The following KIAA1217 variants were observed in gnomAD, a reference collection of about 807,000 sequenced individuals.
KIAA1217 encodes the protein sickle tail protein homolog.
In KIAA1217, 88 loss-of-function variants were observed where a neutral mutation model predicts 163.9. The observed-to-expected ratio is 0.54, with a 90% CI of 0.45 to 0.64. The LOEUF (loss-of-function observed/expected upper bound fraction) is 0.64. KIAA1217 is among the 30% of genes least tolerant of loss of function. The pLI, the probability that KIAA1217 is intolerant of heterozygous loss-of-function variation, is 0.00. For missense variants in KIAA1217, 2,372 were observed against 2,475.0 expected (o/e 0.96, Z 0.88); for synonymous variants, 903 against 923.1 (o/e 0.98, Z 0.39).
intron 2 of KIAA1217, among the ~76,000 whole-genome samples, chr10:24,198,003 T>C (rs1285105262): frequency 3.9e-5 from 6 of 152,240 alleles, no homozygotes; most frequent in Non-Finnish European, 8.8e-5. Context: ...TTGCAGGTGC[T>C]CTGAATTGGT....
chr10:24,177,514 T>A (rs957918465), intron 2 of KIAA1217, among the ~76,000 whole-genome samples: 3 of 151,344 alleles, frequency 2.0e-5, no homozygotes, highest in African/African-American at 7.3e-5. Context: ...TGACTTCTTT[T>A]CCCCTGGATA....
At chr10:24,172,239 G>A (rs1373028477) in intron 2 of KIAA1217, among the ~76,000 whole-genome samples, 2 of 152,210 alleles carry the variant, frequency 1.3e-5, no homozygotes, top group South Asian at 2.1e-4. Context: ...GGTGGAAAAG[G>A]AGAAGAGATT....
intron 2 of KIAA1217, chr10:24,255,563 T>TG: frequency 6.6e-6 from 3 of 455,846 alleles, no homozygotes; most frequent in South Asian, 4.6e-5. Context: ...GTTTCTGCTG[T>TG]GGGGGGCCCT....
At position 24,520,206 on chromosome 10, in the gene KIAA1217, G is replaced by A. The variant is rs766546439; in HGVS notation, c.2261G>A (p.Gly754Glu). 6.2e-7 allele frequency: 1 copy of A among 1,614,136 alleles called. No individual in the cohort carries two copies. The highest frequency in any genetic ancestry group is 8.5e-7 in the Non-Finnish European group (1 of 1,180,024). The change falls in exon 11 of 21, where the codon GGG becomes GAG. Residue 754 changes from glycine to glutamate, a missense_variant. By Grantham distance (98) the Gly-to-Glu change is moderately conservative (BLOSUM62 -2). Coordinates refer to ENST00000376454, the MANE Select transcript of KIAA1217 (RefSeq NM_019590.5). ...GTTACTCTGAAAGACGTGGAAGACG[G>A]GGCTTTCCTCCTGCGTCAAGTGGGA... is the stretch of plus-strand genomic sequence containing the variant. ...RLVTLKDVED[G>E]AFLLRQVGEA...
chr10:24,092,928 T>TGTGTGTTGTGTGTGTG (rs548350322), intron 2 of KIAA1217, among the ~76,000 whole-genome samples: 12 of 140,950 alleles, frequency 8.5e-5, no homozygotes, highest in African/African-American at 3.0e-4. Context: ...TGTGTGTGTG[T>TGTGTGTTGTGTGTGTG]TGTGTGTGTG....
chr10:24,430,905 G>T (rs1330360854), intron 3 of KIAA1217, among the ~76,000 whole-genome samples: 3 of 152,198 alleles, frequency 2.0e-5, no homozygotes, highest in Non-Finnish European at 4.4e-5. Context: ...CTGGTTTGTG[G>T]CCTGAAGGCT....
intron 1 of KIAA1217, among the ~76,000 whole-genome samples, chr10:23,882,082 CAAAGTT>C (rs958107529): frequency 1.4e-4 from 21 of 151,908 alleles, no homozygotes; most frequent in African/African-American, 4.8e-4. Context: ...TTGATATCAT[CAAAGTT>C]AAAGTTTCGA....
intron 1 of KIAA1217, among the ~76,000 whole-genome samples, chr10:23,942,205 A>C (rs944546088): frequency 6.6e-6 from 1 of 152,214 alleles, no homozygotes; most frequent in Non-Finnish European, 1.5e-5. Flanking sequence ...AAGATAAAAA[A>C]CTGACTAGAA....
chr10:24,367,261 C>A, intron 2 of KIAA1217: 2 of 587,048 alleles, frequency 3.4e-6, no homozygotes, highest in Non-Finnish European at 4.3e-6. Context: ...ACCTTTCCCT[C>A]ACCTGCAAGT....
chr10:24,088,052 C>G (rs1031300456), intron 2 of KIAA1217, among the ~76,000 whole-genome samples: 4 of 123,534 alleles, frequency 3.2e-5, no homozygotes, highest in African/African-American at 1.0e-4. Flanking sequence ...TGGGCCATTC[C>G]CATTCCACAT....
chr10:24,381,914 T>C (rs1249455146), intron 3 of KIAA1217, among the ~76,000 whole-genome samples: 1 of 152,158 alleles, frequency 6.6e-6, no homozygotes, highest in East Asian at 1.9e-4. Context: ...CACGAGGCTG[T>C]TCCCACTACC....
intron 2 of KIAA1217, among the ~76,000 whole-genome samples, chr10:24,301,005 G>T (rs2041258323): frequency 1.3e-5 from 2 of 152,074 alleles, no homozygotes; most frequent in South Asian, 4.1e-4. Flanking sequence ...TAGGCACAGG[G>T]TTTCACCATG....
intron 3 of KIAA1217, among the ~76,000 whole-genome samples, chr10:24,383,516 G>A (rs1021755128): frequency 2.6e-5 from 4 of 152,302 alleles, no homozygotes; most frequent in South Asian, 2.1e-4. Flanking sequence ...GGGTGGCCAC[G>A]CTTCTGCAAA....
Position 24,280,599 on chromosome 10 carries a change from CAGG to C in KIAA1217, c.354+60693_354+60695del, listed in dbSNP as rs1358658313. The stretch of plus-strand genomic sequence containing the variant: ...GGCGGAGGCGGGTGGATTGCGAGGT[CAGG>C]AGATCGAGACCATCCTGGCTAACAT... On this transcript the variant is annotated intron_variant, in intron 2 of 20. Coordinates refer to ENST00000376454, the MANE Select transcript of KIAA1217 (RefSeq NM_019590.5). Among the ~76,000 whole-genome samples, 89 of 152,104 alleles carry C rather than the reference CAGG, an allele frequency of 5.9e-4. 2 individuals carry two copies. Among genetic ancestry groups the C allele is most frequent in the African/African-American group, 2.0e-3 (84 of 41,496 alleles).
intron 1 of KIAA1217, among the ~76,000 whole-genome samples, chr10:23,966,242 G>C (rs1175299631): frequency 6.6e-6 from 1 of 152,312 alleles, no homozygotes; most frequent in South Asian, 2.1e-4. Flanking sequence ...ACAAGCCTCT[G>C]TGGGCACTAC....
chr10:24,524,863 T>C, intron 13 of KIAA1217, 99 bp downstream of exon 13: 1 of 1,091,590 alleles, frequency 9.2e-7, no homozygotes, highest in Non-Finnish European at 1.3e-6. Flanking sequence ...CATGATTGTG[T>C]ATGGATCAGA....
intron 1 of KIAA1217, among the ~76,000 whole-genome samples, chr10:23,825,756 T>TA (rs1222547922): frequency 6.6e-6 from 1 of 152,104 alleles, no homozygotes; most frequent in Non-Finnish European, 1.5e-5. Flanking sequence ...AAAATAACAG[T>TA]AAAAAAATAG....
chr10:24,161,684 C>T, intron 2 of KIAA1217, among the ~76,000 whole-genome samples: 1 of 152,216 alleles, frequency 6.6e-6, no homozygotes, highest in South Asian at 2.1e-4. Context: ...GACGCTGTTA[C>T]CATTATTCAA....
chr10:23,942,386 G>A (rs1322036622), intron 1 of KIAA1217, among the ~76,000 whole-genome samples: 2 of 152,198 alleles, frequency 1.3e-5, no homozygotes, highest in East Asian at 1.9e-4. Context: ...AATTTTAAAA[G>A]TGAAAACTAT....
Sources: allele counts gnomAD v4.1 joint callset (sites outside exome capture counted in the v4.1 genomes callset), GRCh38; gene constraint gnomAD v4.1.1; transcripts MANE v1.5; gene names NCBI Gene and HGNC (gene_info 2026-07-23, HGNC 2026-07-21).